MSH3: variants seen among roughly 807,000 people sequenced by gnomAD.
The protein encoded by MSH3 is DNA mismatch repair protein Msh3.
Under a neutral mutation model 123.3 loss-of-function variants are expected in MSH3, and 106 were observed. That is an observed-to-expected ratio of 0.86 (90% CI 0.73 to 1.01). The LOEUF is 1.01. MSH3 is among the 50% of genes least tolerant of loss of function. The pLI, the probability that MSH3 is intolerant of heterozygous loss-of-function variation, is 0.00. For synonymous variants in MSH3, 515 were observed against 481.4 expected (o/e 1.07, Z -0.91); for missense variants, 1,459 against 1,347.6 (o/e 1.08, Z -1.29).
At chr5:80,800,798 C>T (rs1430574781) in intron 19 of MSH3, among the ~76,000 whole-genome samples, 2 of 152,214 alleles carry the variant, frequency 1.3e-5, no homozygotes, top group Non-Finnish European at 2.9e-5. Flanking sequence ...GACACAATTC[C>T]TGCTCTCATG....
At position 80,744,594 on chromosome 5, in the gene MSH3, C is replaced by T. The variant is rs779028594; in HGVS notation, c.1742C>T (p.Thr581Ile). The change falls in exon 12 of 24, where the codon ACC becomes ATC. Residue 581 changes from threonine to isoleucine, a missense_variant. Physicochemically the swap from Thr to Ile is moderately conservative, Grantham distance 89. Coordinates refer to ENST00000265081, the MANE Select transcript of MSH3 (RefSeq NM_002439.5). ...FGRRKLKKWV[T>I]QPLLKLREIN... ...AGACGGAAGTTAAAGAAGTGGGTGA[C>T]CCAGCCACTCCTTAAATTAAGGTAA... 1 of 1,610,920 alleles carries T rather than the reference C, an allele frequency of 6.2e-7. No individual in the cohort carries two copies. Among genetic ancestry groups the T allele is most frequent in the Non-Finnish European group, 8.5e-7 (1 of 1,177,266 alleles).
At chr5:80,864,002 T>A (rs1746056670) in intron 21 of MSH3, among the ~76,000 whole-genome samples, 2 of 152,162 alleles carry the variant, frequency 1.3e-5, no homozygotes, top group Non-Finnish European at 2.9e-5. Flanking sequence ...CTCTATAGAA[T>A]GTGGATTTTT....
chr5:80,840,659 A>G (rs547101557), intron 20 of MSH3, among the ~76,000 whole-genome samples: 3 of 152,094 alleles, frequency 2.0e-5, no homozygotes, highest in Non-Finnish European at 4.4e-5. Flanking sequence ...GGTTTGTTAC[A>G]TAGGTATACA....
At chr5:80,845,156 A>G (rs910204181) in intron 20 of MSH3, among the ~76,000 whole-genome samples, 1 of 152,132 alleles carries the variant, frequency 6.6e-6, no homozygotes, top group African/African-American at 2.4e-5. Context: ...TCCCCCACAT[A>G]TGAAGCTTAG....
intron 2 of MSH3, among the ~76,000 whole-genome samples, chr5:80,658,375 T>C (rs1286607466): frequency 6.6e-6 from 1 of 152,144 alleles, no homozygotes; most frequent in Non-Finnish European, 1.5e-5. Flanking sequence ...TCTCTTTTTA[T>C]AGAGGAAGAA....
intron 8 of MSH3, among the ~76,000 whole-genome samples, chr5:80,680,933 T>C (rs1209482580): frequency 6.6e-6 from 1 of 152,212 alleles, no homozygotes; most frequent in Non-Finnish European, 1.5e-5. Context: ...TGAATATCCA[T>C]ATACAGAAAT....
intron 2 of MSH3, among the ~76,000 whole-genome samples, chr5:80,660,761 A>C (rs572796734): frequency 6.6e-6 from 1 of 152,066 alleles, no homozygotes; most frequent in South Asian, 2.1e-4. Context: ...TGCCCCATAT[A>C]ATCTGCAGGA....
intron 3 of MSH3, among the ~76,000 whole-genome samples, chr5:80,669,765 A>C (rs777588989): frequency 6.6e-6 from 1 of 152,230 alleles, no homozygotes; most frequent in African/African-American, 2.4e-5. Context: ...ACACCTTAGA[A>C]TAAATAATAA....
intron 17 of MSH3, among the ~76,000 whole-genome samples, chr5:80,780,923 T>A (rs2112011008): frequency 6.6e-6 from 1 of 152,230 alleles, no homozygotes; most frequent in South Asian, 2.1e-4. Flanking sequence ...CAGGGAGCTT[T>A]ATTGTATTTC....
intron 8 of MSH3, among the ~76,000 whole-genome samples, chr5:80,710,312 A>T (rs576317660): frequency 7.2e-5 from 11 of 152,346 alleles, no homozygotes; most frequent in African/African-American, 2.6e-4. Flanking sequence ...ACACTATGTC[A>T]TACAGCCTCT....
chr5:80,820,931 C>T (rs900084374), intron 20 of MSH3, among the ~76,000 whole-genome samples: 1 of 152,166 alleles, frequency 6.6e-6, no homozygotes, highest in Non-Finnish European at 1.5e-5. Context: ...GTTGCTCAGT[C>T]TGGACTCTGG....
At chr5:80,743,927 T>G (rs1410884124) in intron 11 of MSH3, among the ~76,000 whole-genome samples, 2 of 152,166 alleles carry the variant, frequency 1.3e-5, no homozygotes, top group East Asian at 3.9e-4. Context: ...TCAGTGGGCT[T>G]TGTACTACTG....
intron 15 of MSH3, among the ~76,000 whole-genome samples, chr5:80,774,901 C>T (rs1037340195): frequency 1.3e-5 from 2 of 152,172 alleles, no homozygotes; most frequent in South Asian, 2.1e-4. Context: ...GTATTGATAA[C>T]ATGGTAATTA....
chr5:80,731,654 A>G (rs1743415460), intron 10 of MSH3, among the ~76,000 whole-genome samples: 1 of 152,122 alleles, frequency 6.6e-6, no homozygotes, highest in African/African-American at 2.4e-5. Flanking sequence ...TCAAACTGGT[A>G]CTCTAGTTTT....
intron 20 of MSH3, among the ~76,000 whole-genome samples, chr5:80,828,705 G>A (rs1417546298): frequency 6.6e-6 from 1 of 152,166 alleles, no homozygotes; most frequent in East Asian, 1.9e-4. Flanking sequence ...TCATAAGGGA[G>A]AGATAGGCAA....
chr5:80,727,304 C>T lies in MSH3; in HGVS notation c.1454-1547C>T, dbSNP rs149074534. On this transcript the variant is annotated intron_variant, in intron 9 of 23. Transcript: ENST00000265081. The stretch of plus-strand genomic sequence containing the variant: ...AAAGAAAATCAATTTCTCAGTGGAA[C>T]GGAAAGGTGTTGTTAGCACTTCATT... Among the ~76,000 whole-genome samples, 10 of 152,216 alleles carry T rather than the reference C, an allele frequency of 6.6e-5. No homozygotes were observed. In the East Asian group the frequency reaches 1.2e-3, roughly 18 times the overall value.
At chr5:80,806,840 C>CATATGA (rs2112044506) in intron 19 of MSH3, among the ~76,000 whole-genome samples, 1 of 152,226 alleles carries the variant, frequency 6.6e-6, no homozygotes, top group African/African-American at 2.4e-5. Flanking sequence ...CATATGTGAA[C>CATATGA]ATATGAATAT....
intron 9 of MSH3, among the ~76,000 whole-genome samples, chr5:80,727,661 T>G (rs983424140): frequency 2.6e-5 from 4 of 152,206 alleles, no homozygotes. Flanking sequence ...CAGCTAATTT[T>G]TTGAATGCCT....
chr5:80,758,639 A>C (rs893565746), intron 12 of MSH3, among the ~76,000 whole-genome samples: 14 of 152,242 alleles, frequency 9.2e-5, no homozygotes, highest in Non-Finnish European at 1.9e-4. Context: ...GCACTAGACT[A>C]AAATAAAAAC....
Sources: gnomAD v4.1 joint callset for allele counts (sites outside exome capture counted in the v4.1 genomes callset) on GRCh38, gnomAD v4.1.1 for gene constraint, MANE v1.5 for transcripts, NCBI Gene and HGNC (gene_info 2026-07-23, HGNC 2026-07-21) for gene names.